Variants in KIF14 observed in about 807,000 individuals in gnomAD.
KIF14 encodes kinesin family member 14.
In KIF14, 98 loss-of-function variants were observed where a neutral mutation model predicts 176.2. The ratio of observed to expected loss-of-function variants is 0.56; its 90% confidence interval spans 0.47 to 0.66. The LOEUF (loss-of-function observed/expected upper bound fraction) is 0.66, where lower values mean the gene tolerates loss of function less well. Among genes scored for constraint, KIF14 ranks in the 30% least tolerant of loss-of-function variants. The pLI is 0.00. For synonymous variants in KIF14, 566 were observed against 632.2 expected, an observed-to-expected ratio of 0.90 and a Z score of 1.57; for missense variants, 1,751 against 1,920.4, an observed-to-expected ratio of 0.91 and a Z score of 1.65.
rs1430032847 is a variant in KIF14 at position 200,618,570 on chromosome 1, GATC to G, written c.151_153del (p.Asp51del). On this transcript the variant is annotated inframe_deletion, in exon 2 of 30. Transcript: ENST00000367350. ...ACTTTACCTGCAGATCTCAATAATGGATCATCATTTTCACATTCTGACATATCC... is the reference window on the plus strand; with the variant it reads ...ACTTTACCTGCAGATCTCAATAATGGATCATTTTCACATTCTGACATATCC... 14 of 1,613,972 alleles carry G rather than the reference GATC, an allele frequency of 8.7e-6. No individual in the cohort carries two copies. The highest frequency in any genetic ancestry group is 1.2e-5 in the Non-Finnish European group (14 of 1,180,020).
At position 200,553,501 on chromosome 1, in the gene KIF14, C is replaced by G. The variant is rs571209393; in HGVS notation, c.4834G>C (p.Gly1612Arg). The G allele has an allele frequency of 3.7e-6, 6 of 1,613,840 alleles. No individual in the cohort carries two copies. In the African/African-American group the frequency reaches 8.0e-5, roughly 22 times the overall value. Residue 1612 changes from glycine to arginine, a missense_variant, in exon 30 of 30, where the codon GGG (glycine) becomes CGG (arginine). Coordinates refer to ENST00000367350, the MANE Select transcript of KIF14 (RefSeq NM_014875.3). ...KEEHQQSKSS[G>R]IDGSKNKGVP... ...CCTTTATTCTTACTGCCGTCAATCC[C>G]GCTTGATTTAGATTGTTGGTGTTCT...
intron 29 of KIF14, among the ~76,000 whole-genome samples, 167 bp downstream of exon 29, chr1:200,554,301 G>T (rs1037711886): frequency 2.0e-5 from 3 of 151,918 alleles, no homozygotes; most frequent in Admixed American, 2.0e-4. Context: ...TGAGGCAGGA[G>T]AATCGCTTGA....
Position 200,618,769 on chromosome 1 carries a change from G to A in KIF14, c.-46C>T. 7.0e-7 allele frequency: 1 copy of A among 1,435,816 alleles called. No individual in the cohort carries two copies. The highest frequency in any genetic ancestry group is 9.4e-7 in the Non-Finnish European group (1 of 1,061,342). The allele number at this position is 1,435,816 out of a possible 1,614,324, so 88.9% of individuals were successfully genotyped here. A position where few individuals can be genotyped will look rare whatever the true frequency, so the allele number is the denominator to read the frequency against. Reference sequence around the variant, plus strand: ...AAAAAGAATGTTACTAAGACCCTAAGCTCTTCTTTGGACATTCATTTGATT... The same window carrying A: ...AAAAAGAATGTTACTAAGACCCTAAACTCTTCTTTGGACATTCATTTGATT... On this transcript the variant is annotated 5_prime_UTR_variant, in exon 2 of 30. Coordinates refer to ENST00000367350, the MANE Select transcript of KIF14 (RefSeq NM_014875.3).
At chr1:200,570,729 C>A (rs753399886) in intron 22 of KIF14, among the ~76,000 whole-genome samples, 1 of 151,870 alleles carries the variant, frequency 6.6e-6, no homozygotes, top group African/African-American at 2.4e-5. Context: ...TTTAAGTGGC[C>A]GAGTTGGGAT....
intron 25 of KIF14, among the ~76,000 whole-genome samples, chr1:200,562,015 T>G (rs1261735344): frequency 1.3e-5 from 2 of 152,242 alleles, no homozygotes; most frequent in African/African-American, 4.8e-5. Context: ...ATGAGGAAGC[T>G]TCTCTTGAGC....
At chr1:200,592,923 G>GA (rs1042288824) in intron 15 of KIF14, among the ~76,000 whole-genome samples, 3 of 151,988 alleles carry the variant, frequency 2.0e-5, no homozygotes, top group South Asian at 2.1e-4. Flanking sequence ...TATCTAAACA[G>GA]AAAAAAATAC....
intron 17 of KIF14, 84 bp downstream of exon 17, chr1:200,590,041 T>A: frequency 7.4e-7 from 1 of 1,351,438 alleles, no homozygotes; most frequent in Non-Finnish European, 1.0e-6. Flanking sequence ...AGTTCCCTTA[T>A]AGGGACATAA....
rs114276164 is a variant in KIF14 at position 200,600,455 on chromosome 1, C to T, written c.2201G>A (p.Arg734Gln). ...CCTGTATCGTTCAGGGTCAATATTC[C>T]GACTGTTTCTCTGAGCAGCTTTTAG... ...AKLKAAQRNS[R>Q]NIDPERYRLC... Residue 734 changes from arginine (R) to glutamine (Q), a missense_variant, in exon 12 of 30, where the codon CGG (arginine) becomes CAG (glutamine). Coordinates refer to ENST00000367350, the MANE Select transcript of KIF14 (RefSeq NM_014875.3). 1.7e-3 allele frequency: 2,695 copies of T among 1,613,576 alleles called. 32 individuals are homozygous for T. The African/African-American group carries it at 0.024, about 14-fold the overall frequency.
At position 200,603,278 on chromosome 1, in the gene KIF14, G is replaced by C. The variant is rs558269439; in HGVS notation, c.1927C>G (p.Gln643Glu). 148 of 1,609,532 alleles carry C rather than the reference G, an allele frequency of 9.2e-5. 1 individual carries two copies. The South Asian group carries it at 1.5e-3, about 17-fold the overall frequency. ...LGKVISALSEQANQRSVFIPY... is the reference protein window; with the variant it reads ...LGKVISALSEEANQRSVFIPY... ...ATAAAAACACTCCTTTGGTTTGCTT[G>C]TTCCGAAAGTGCAGATATAACTTTT... is the stretch of plus-strand genomic sequence containing the variant. The change falls in exon 10 of 30, where the codon CAA becomes GAA. Residue 643 changes from glutamine (Q) to glutamate (E), a missense_variant. Gln to Glu is a conservative substitution (Grantham distance 29). Transcript: ENST00000367350.
intron 18 of KIF14, 109 bp from the exon 19 acceptor site, chr1:200,586,336 A>G: frequency 1.1e-6 from 1 of 892,668 alleles, no homozygotes; most frequent in Non-Finnish European, 1.6e-6. Flanking sequence ...TACAGTAACC[A>G]TTTTACAATT....
chr1:200,596,732 T>G (rs1659362692), intron 14 of KIF14, among the ~76,000 whole-genome samples: 1 of 151,432 alleles, frequency 6.6e-6, no homozygotes, highest in South Asian at 2.1e-4. Flanking sequence ...GCCGGGCTAA[T>G]TTTTGTATTT....
At chr1:200,574,986 AGGCTGGAGTGCAGC>A (rs1411104450) in intron 22 of KIF14, among the ~76,000 whole-genome samples, 23 of 119,116 alleles carry the variant, frequency 1.9e-4, no homozygotes, top group African/African-American at 6.8e-4. Flanking sequence ...TCTGTCGCCC[AGGCTGGAGTGCAGC>A]GGCTGGAGTG....
intron 23 of KIF14, among the ~76,000 whole-genome samples, chr1:200,568,679 G>A (rs189127084): frequency 3.9e-5 from 6 of 152,108 alleles, no homozygotes; most frequent in African/African-American, 1.2e-4. Context: ...TCCTCTTCCC[G>A]GTTACTAACT....
intron 21 of KIF14, among the ~76,000 whole-genome samples, chr1:200,578,355 T>C (rs1658248548): frequency 1.3e-5 from 2 of 152,210 alleles, no homozygotes; most frequent in Admixed American, 1.3e-4. Flanking sequence ...TTCCATATGA[T>C]ACCTTCATTA....
Position 200,553,391 on chromosome 1 carries a change from C to T in KIF14, c.4944G>A (p.Val1648=), listed in dbSNP as rs147337582. The change falls in exon 30 of 30, where the codon GTG becomes GTA. Residue 1648 remains valine (V), a synonymous_variant. Coordinates refer to ENST00000367350, the MANE Select transcript of KIF14 (RefSeq NM_014875.3). ...EECTPSRIQW[V] is the part of the protein sequence containing the mutation. ...AAAAGTGCCTACACATCAGTATTCA[C>T]ACCCACTGAATCCTACTGGGTGTGC... The T allele has an allele frequency of 6.0e-5, 96 of 1,600,372 alleles. No homozygotes were observed. Among genetic ancestry groups the T allele is most frequent in the Non-Finnish European group, 8.1e-5 (95 of 1,174,184 alleles).
chr1:200,615,479 G>T lies in KIF14; in HGVS notation c.1243C>A (p.Pro415Thr), dbSNP rs779103049. The change falls in exon 3 of 30, where the codon CCT becomes ACT. Residue 415 changes from proline (P) to threonine (T), a missense_variant. Coordinates refer to ENST00000367350, the MANE Select transcript of KIF14 (RefSeq NM_014875.3). Reference protein sequence around the residue: ...VSFWSFDECHPHYASQTTVYE... With the variant: ...VSFWSFDECHTHYASQTTVYE... Reference sequence around the variant, plus strand: ...ACAGTTGTCTGGCTAGCGTAGTGAGGATGACATTCATCAAAAGACCAGAAT... The same window carrying T: ...ACAGTTGTCTGGCTAGCGTAGTGAGTATGACATTCATCAAAAGACCAGAAT... 6.2e-7 allele frequency: 1 copy of T among 1,614,088 alleles called. No homozygotes were observed. Among genetic ancestry groups the T allele is most frequent in the South Asian group, 1.1e-5 (1 of 91,074 alleles).
chr1:200,609,101 T>C (rs1367356447), intron 4 of KIF14, among the ~76,000 whole-genome samples, 173 bp from the exon 5 acceptor site: 1 of 152,130 alleles, frequency 6.6e-6, no homozygotes, highest in Admixed American at 6.5e-5. Context: ...TAGACATTTC[T>C]CCAAAGAAGA....
chr1:200,560,281 G>GT (rs11405600), intron 26 of KIF14, among the ~76,000 whole-genome samples: 68,892 of 151,486 alleles, frequency 0.45, 16,106 homozygotes, highest in East Asian at 0.63. Flanking sequence ...GTTTTGTTGG[G>GT]TTTTTTTTGA....
rs541284078 is a variant in KIF14 at position 200,608,875 on chromosome 1, G to A, written c.1509C>T (p.His503=). 25 of 1,610,204 alleles carry A rather than the reference G, an allele frequency of 1.6e-5. No homozygotes were observed. Among genetic ancestry groups the A allele is most frequent in the African/African-American group, 5.3e-5 (4 of 74,898 alleles). ...TTTCATCTTTACAAACCAGAAGGTC[G>A]TGAATTTTTTCATTATATACTTCAA... ...SFFEVYNEKI[H]DLLVCKDENG... Residue 503 remains histidine, a synonymous_variant, in exon 5 of 30, where the codon CAC becomes CAT. Coordinates refer to ENST00000367350, the MANE Select transcript of KIF14 (RefSeq NM_014875.3).
Sources: gnomAD v4.1 joint callset for allele counts (sites outside exome capture counted in the v4.1 genomes callset) on GRCh38, gnomAD v4.1.1 for gene constraint, MANE v1.5 for transcripts, NCBI Gene and HGNC (gene_info 2026-07-23, HGNC 2026-07-21) for gene names.